VPS13D: variants seen among roughly 807,000 people sequenced by gnomAD.
VPS13D encodes intermembrane lipid transfer protein VPS13D.
Under a neutral mutation model 461.9 loss-of-function variants are expected in VPS13D, and 187 were observed. That is an observed-to-expected ratio of 0.40 (90% CI 0.36 to 0.46). The LOEUF is 0.46. Among genes scored for constraint, VPS13D ranks in the 20% least tolerant of loss-of-function variants. VPS13D has a pLI of 0.60. For missense variants in VPS13D, 4,711 were observed against 5,364.9 expected (o/e 0.88, Z 3.81); for synonymous variants, 1,951 against 1,986.3 (o/e 0.98, Z 0.47).
intron 55 of VPS13D, 44 bp from the exon 56 acceptor site, chr1:12,378,384 G>T (rs1348978327): frequency 6.6e-7 from 1 of 1,517,014 alleles, no homozygotes; most frequent in Non-Finnish European, 8.9e-7. Flanking sequence ...AGCTGTGGCT[G>T]CCCATAATGG....
Position 12,509,160 on chromosome 1 carries a change from T to C in VPS13D, c.*136T>C. 9.6e-7 allele frequency: 1 copy of C among 1,046,558 alleles called. No homozygotes were observed. The highest frequency in any genetic ancestry group is 1.3e-6 in the Non-Finnish European group (1 of 750,884). The allele number at this position is 1,046,558 out of a possible 1,614,324, so 64.8% of individuals were successfully genotyped here. A position where few individuals can be genotyped will look rare whatever the true frequency, so the allele number is the denominator to read the frequency against. On this transcript the variant is annotated 3_prime_UTR_variant, in exon 70 of 70. Transcript: ENST00000620676. Reference sequence around the variant, plus strand: ...TTGTCAAGGAATGAGGGAAAGTAAATCCTCATGAGGAAAAGTACAAATGGA... The same window carrying C: ...TTGTCAAGGAATGAGGGAAAGTAAACCCTCATGAGGAAAAGTACAAATGGA...
At chr1:12,415,949 G>A (rs1241659258) in intron 64 of VPS13D, among the ~76,000 whole-genome samples, 1 of 152,150 alleles carries the variant, frequency 6.6e-6, no homozygotes, top group African/African-American at 2.4e-5. Flanking sequence ...GGGAGGCCAA[G>A]GCAGGAGGAT....
chr1:12,451,643 G>A (rs1393501773), intron 65 of VPS13D, among the ~76,000 whole-genome samples: 1 of 152,228 alleles, frequency 6.6e-6, no homozygotes, highest in African/African-American at 2.4e-5. Context: ...ATTGTCTGCA[G>A]ATTACCTTCC....
intron 63 of VPS13D, among the ~76,000 whole-genome samples, chr1:12,410,855 C>T (rs1047500460): frequency 5.9e-5 from 9 of 152,224 alleles, no homozygotes; most frequent in South Asian, 2.1e-4. Context: ...CACATCAACA[C>T]GATAAAATAG....
intron 67 of VPS13D, among the ~76,000 whole-genome samples, chr1:12,482,070 G>A (rs1256605388): frequency 2.0e-5 from 3 of 152,232 alleles, no homozygotes; most frequent in African/African-American, 7.2e-5. Flanking sequence ...TTCAGGGTCA[G>A]AAAGCAAGAC....
chr1:12,433,949 AGTGT>A lies in VPS13D; in HGVS notation c.12333+17140_12333+17143del, dbSNP rs563130284. On this transcript the variant is annotated intron_variant, in intron 65 of 69. Coordinates refer to ENST00000620676, the MANE Select transcript of VPS13D (RefSeq NM_015378.4). ...GAGAGAGTGAGAGAGAGAGAGAGAG[AGTGT>A]GTGTGTGTGTGTGTGTGGAGGAGGA... Among the ~76,000 whole-genome samples the A allele has an allele frequency of 2.8e-5, 4 of 145,000 alleles. No individual in the cohort carries two copies. In the East Asian group the frequency reaches 6.2e-4, roughly 23 times the overall value.
At chr1:12,477,219 C>T (rs1027109137) in intron 67 of VPS13D, among the ~76,000 whole-genome samples, 1 of 152,088 alleles carries the variant, frequency 6.6e-6, no homozygotes, top group African/African-American at 2.4e-5. Flanking sequence ...TTTTTCCCAC[C>T]TGCTCCTCTT....
At chr1:12,366,646 C>T (rs962797069) in intron 52 of VPS13D, among the ~76,000 whole-genome samples, 9 of 152,286 alleles carry the variant, frequency 5.9e-5, no homozygotes, top group East Asian at 1.9e-4. Flanking sequence ...ATGGTTTTAA[C>T]GGGCAGTCCT....
At chr1:12,358,350 G>A (rs1385663108) in intron 49 of VPS13D, 109 bp from the exon 50 acceptor site, 1 of 1,399,752 alleles carries the variant, frequency 7.1e-7, no homozygotes, top group African/African-American at 1.4e-5. Context: ...GAGAGTCAGT[G>A]GTAGAGATGG....
chr1:12,363,557 G>T (rs1643982271), intron 52 of VPS13D, among the ~76,000 whole-genome samples: 1 of 152,134 alleles, frequency 6.6e-6, no homozygotes, highest in Non-Finnish European at 1.5e-5. Flanking sequence ...AAATATTTTT[G>T]TATATTCTGA....
At chr1:12,386,088 G>GT in intron 59 of VPS13D, 97 bp from the exon 60 acceptor site, 3 of 1,383,486 alleles carry the variant, frequency 2.2e-6, no homozygotes, top group Non-Finnish European at 2.9e-6. Flanking sequence ...GAGATCGGGA[G>GT]TAGAGGAATG....
intron 68 of VPS13D, among the ~76,000 whole-genome samples, chr1:12,503,565 A>G (rs1223377477): frequency 1.3e-5 from 2 of 152,244 alleles, no homozygotes; most frequent in East Asian, 3.8e-4. Flanking sequence ...TAGTATCTAC[A>G]GCAACCTAAA....
chr1:12,320,665 C>T (rs1484564011), intron 32 of VPS13D, among the ~76,000 whole-genome samples: 1 of 152,136 alleles, frequency 6.6e-6, no homozygotes, highest in African/African-American at 2.4e-5. Context: ...ATCTGCCTTC[C>T]AAGCCACCAC....
At chr1:12,348,342 T>C (rs1643720861) in intron 44 of VPS13D, among the ~76,000 whole-genome samples, 1 of 152,254 alleles carries the variant, frequency 6.6e-6, no homozygotes, top group Non-Finnish European at 1.5e-5. Flanking sequence ...ATTTCTAATT[T>C]TAATTGTGTT....
At position 12,277,078 on chromosome 1, in the gene VPS13D, A is replaced by C; in HGVS notation, c.3490A>C (p.Thr1164Pro). 6.2e-7 allele frequency: 1 copy of C among 1,614,178 alleles called. No homozygotes were observed. The highest frequency in any genetic ancestry group is 8.5e-7 in the Non-Finnish European group (1 of 1,180,028). ...TTACCAGTCTACATATGAACAAAAC[A>C]CTGAGGTTGCAGTGGAAATCCATAG... ...GTYQSTYEQN[T>P]EVAVEIHRLN... Residue 1164 changes from threonine to proline, a missense_variant, in exon 19 of 70, where the codon ACT becomes CCT. Thr to Pro is a conservative substitution (Grantham distance 38). Around this residue, in one of 3 missense-constraint regions of VPS13D, gnomAD observed 4,411 missense variants for 4,937.8 expected, o/e 0.89. Coordinates refer to ENST00000620676, the MANE Select transcript of VPS13D (RefSeq NM_015378.4).
At chr1:12,480,072 G>T (rs1245383289) in intron 67 of VPS13D, among the ~76,000 whole-genome samples, 1 of 152,176 alleles carries the variant, frequency 6.6e-6, no homozygotes, top group Admixed American at 6.5e-5. Context: ...AGGTCACTAA[G>T]CTTTGTGCCC....
intron 52 of VPS13D, 117 bp downstream of exon 52, chr1:12,363,364 A>C (rs1249629094): frequency 8.9e-7 from 1 of 1,119,302 alleles, no homozygotes; most frequent in Non-Finnish European, 1.3e-6. Flanking sequence ...CAGAGGTCTT[A>C]GAACTTGCAA....
chr1:12,382,020 CCTTCCTTT>C (rs1570053190), intron 57 of VPS13D, among the ~76,000 whole-genome samples: 1 of 142,588 alleles, frequency 7.0e-6, no homozygotes, highest in African/African-American at 2.6e-5. Context: ...TTCCTTCCTT[CCTTCCTTT>C]CTTTCTCTTT....
chr1:12,322,725 C>A lies in VPS13D; in HGVS notation c.7894C>A (p.His2632Asn), dbSNP rs958241719. The change falls in exon 34 of 70, where the codon CAC (histidine) becomes AAC (asparagine). Residue 2632 changes from histidine to asparagine, a missense_variant. By Grantham distance (68) the His-to-Asn change is moderately conservative. Transcript: ENST00000620676. ...AGAGGAAATCAGAGAAGGGACAAGA[C>A]ACACCTTAGATCCTGTCTTGGGTAG... ...VGEEIREGTR[H>N]TLDPVLELQL... 1 of 1,614,174 alleles carries A rather than the reference C, an allele frequency of 6.2e-7. No homozygotes were observed.
Sources: gnomAD v4.1 joint callset for allele counts (sites outside exome capture counted in the v4.1 genomes callset) on GRCh38, gnomAD v4.1.1 for gene constraint, gnomAD v4.1.1 regional missense constraint, MANE v1.5 for transcripts, NCBI Gene and HGNC (gene_info 2026-07-23, HGNC 2026-07-21) for gene names.